Variants in WBP1L observed in about 807,000 individuals in gnomAD.
WBP1L encodes WW domain binding protein 1 like, also known as WW domain binding protein 1-like.
A neutral mutation model predicts 33.7 loss-of-function variants in WBP1L; 17 were observed. That is an observed-to-expected ratio of 0.50 (90% CI 0.34 to 0.76). The LOEUF (loss-of-function observed/expected upper bound fraction) is 0.76, where lower values mean the gene tolerates loss of function less well. Among genes scored for constraint, WBP1L ranks in the 30% least tolerant of loss-of-function variants. WBP1L has a pLI of 0.01. For missense variants in WBP1L, 389 were observed against 469.4 expected, an observed-to-expected ratio of 0.83 and a Z score of 1.58; for synonymous variants, 173 against 190.8, an observed-to-expected ratio of 0.91 and a Z score of 0.77.
At chr10:102,770,933 C>G (rs1338545271) in intron 1 of WBP1L, among the ~76,000 whole-genome samples, 4 of 152,222 alleles carry the variant, frequency 2.6e-5, no homozygotes, top group Non-Finnish European at 2.9e-5. Flanking sequence ...GAGCCAGAGT[C>G]TTCACTCAAA....
intron 2 of WBP1L, among the ~76,000 whole-genome samples, chr10:102,807,405 A>C (rs1256780989): frequency 6.6e-6 from 1 of 151,840 alleles, no homozygotes; most frequent in Non-Finnish European, 1.5e-5. Flanking sequence ...TTAAGACTGA[A>C]TCTCACTCGG....
At chr10:102,778,242 T>G (rs1843292698) in intron 1 of WBP1L, among the ~76,000 whole-genome samples, 1 of 152,226 alleles carries the variant, frequency 6.6e-6, no homozygotes, top group African/African-American at 2.4e-5. Context: ...GCGAAGGGAC[T>G]GATACCTTGA....
intron 1 of WBP1L, among the ~76,000 whole-genome samples, chr10:102,785,362 TA>T (rs1281634928): frequency 6.6e-6 from 1 of 151,740 alleles, no homozygotes; most frequent in African/African-American, 2.4e-5. Context: ...TAATTTTTTG[TA>T]TTTTTAGTAG....
chr10:102,779,597 C>G (rs373245130), intron 1 of WBP1L, among the ~76,000 whole-genome samples: 1 of 152,052 alleles, frequency 6.6e-6, no homozygotes, highest in Non-Finnish European at 1.5e-5. Flanking sequence ...CCACCAGGCC[C>G]GGCCAAAAAA....
chr10:102,793,132 TTTGAAGATGC>T (rs1284507069), intron 1 of WBP1L, among the ~76,000 whole-genome samples: 1 of 152,184 alleles, frequency 6.6e-6, no homozygotes, highest in Non-Finnish European at 1.5e-5. Flanking sequence ...TGTAATGTGC[TTTGAAGATGC>T]TTGGAAGAAA....
chr10:102,794,207 T>C lies in WBP1L; in HGVS notation c.91-3786T>C, dbSNP rs534542782. On this transcript the variant is annotated intron_variant, in intron 1 of 3. Coordinates refer to ENST00000448841, the MANE Select transcript of WBP1L (RefSeq NM_001083913.2). ...ACCAGGCAGCATTTCCACACCACTGTTCTTTGCTGTGGATTTGCATGAGAG... is the reference window on the plus strand; with the variant it reads ...ACCAGGCAGCATTTCCACACCACTGCTCTTTGCTGTGGATTTGCATGAGAG... 2.0e-5 allele frequency among the ~76,000 whole-genome samples: 3 copies of C among 152,314 alleles called. No homozygotes were observed. In the East Asian group the frequency reaches 5.8e-4, roughly 29 times the overall value.
chr10:102,767,473 G>A (rs1313925653), intron 1 of WBP1L, among the ~76,000 whole-genome samples: 2 of 152,068 alleles, frequency 1.3e-5, no homozygotes, highest in Non-Finnish European at 2.9e-5. Context: ...AGTGTATTAT[G>A]ATGGCCCCTG....
At chr10:102,804,639 A>G (rs1179773250) in intron 2 of WBP1L, among the ~76,000 whole-genome samples, 1 of 152,276 alleles carries the variant, frequency 6.6e-6, no homozygotes, top group African/African-American at 2.4e-5. Context: ...CTGTGTGTCC[A>G]TCGAAGGTTG....
intron 1 of WBP1L, among the ~76,000 whole-genome samples, chr10:102,752,843 G>A (rs796433189): frequency 2.0e-5 from 3 of 152,206 alleles, no homozygotes; most frequent in South Asian, 4.1e-4. Flanking sequence ...GGACCTCAGG[G>A]TGGCTGTGTC....
At chr10:102,758,685 G>A (rs992275820) in intron 1 of WBP1L, among the ~76,000 whole-genome samples, 3 of 152,162 alleles carry the variant, frequency 2.0e-5, no homozygotes, top group Admixed American at 2.0e-4. Context: ...TGGGCCTGGG[G>A]GACCACTACC....
At chr10:102,775,996 C>A in intron 1 of WBP1L, 1 of 662,678 alleles carries the variant, frequency 1.5e-6, no homozygotes, top group Non-Finnish European at 1.9e-6. Flanking sequence ...CATCCTCCCA[C>A]AGTGGGCTCT....
At chr10:102,778,995 T>C (rs2134044204) in intron 1 of WBP1L, among the ~76,000 whole-genome samples, 1 of 152,208 alleles carries the variant, frequency 6.6e-6, no homozygotes, top group Non-Finnish European at 1.5e-5. Flanking sequence ...AGAGAAAGGG[T>C]AATTGAAGAT....
intron 1 of WBP1L, among the ~76,000 whole-genome samples, chr10:102,758,617 G>A (rs1034075412): frequency 3.3e-5 from 5 of 152,146 alleles, no homozygotes; most frequent in Admixed American, 2.0e-4. Context: ...CCCTGTGTGC[G>A]GAGACGAGAG....
At chr10:102,770,309 A>T (rs1245620169) in intron 1 of WBP1L, among the ~76,000 whole-genome samples, 1 of 151,636 alleles carries the variant, frequency 6.6e-6, no homozygotes, top group East Asian at 1.9e-4. Flanking sequence ...CCGGAGAAAG[A>T]TAAGAAAGAT....
At chr10:102,751,029 C>G (rs1257824729) in intron 1 of WBP1L, among the ~76,000 whole-genome samples, 12 of 152,012 alleles carry the variant, frequency 7.9e-5, no homozygotes, top group Non-Finnish European at 1.6e-4. Flanking sequence ...GAGACAGAGT[C>G]TCACTCTGTC....
At chr10:102,793,711 C>T (rs921542418) in intron 1 of WBP1L, among the ~76,000 whole-genome samples, 27 of 151,922 alleles carry the variant, frequency 1.8e-4, no homozygotes, top group African/African-American at 5.3e-4. Flanking sequence ...TTAATTAGCC[C>T]AAGGTCACAC....
intron 1 of WBP1L, among the ~76,000 whole-genome samples, chr10:102,758,735 G>A (rs1843005559): frequency 6.6e-6 from 1 of 152,120 alleles, no homozygotes; most frequent in African/African-American, 2.4e-5. Context: ...GAGCAGCTGG[G>A]CTTGCTGAGA....
intron 1 of WBP1L, among the ~76,000 whole-genome samples, chr10:102,751,322 CTT>C (rs71019611): frequency 5.7e-5 from 8 of 141,450 alleles, no homozygotes; most frequent in Admixed American, 1.4e-4. Context: ...TTTTTCTTTC[CTT>C]TTTTTTTTTT....
chr10:102,777,754 G>A (rs1057261675), intron 1 of WBP1L, among the ~76,000 whole-genome samples: 6 of 152,032 alleles, frequency 3.9e-5, no homozygotes, highest in South Asian at 2.1e-4. Flanking sequence ...TAGTAGAGAC[G>A]GGGTTTCGCC....
Sources: allele counts gnomAD v4.1 joint callset (sites outside exome capture counted in the v4.1 genomes callset), GRCh38; gene constraint gnomAD v4.1.1; transcripts MANE v1.5; gene names NCBI Gene and HGNC (gene_info 2026-07-23, HGNC 2026-07-21).